RFC3: variants seen among roughly 807,000 people sequenced by gnomAD.
RFC3 encodes the protein replication factor C subunit 3.
Under a neutral mutation model 45.1 loss-of-function variants are expected in RFC3, and 41 were observed. That is an observed-to-expected ratio of 0.91 (90% CI 0.71 to 1.18). The LOEUF is 1.18. RFC3 is among the 50% of genes most tolerant of loss of function. RFC3 has a pLI of 0.00. For missense variants in RFC3, 423 were observed against 428.1 expected, an observed-to-expected ratio of 0.99 and a Z score of 0.10; for synonymous variants, 149 against 144.0, an observed-to-expected ratio of 1.03 and a Z score of -0.25.
chr13:33,902,932 A>G (rs1593679911), intron 8 of RFC3, among the ~76,000 whole-genome samples: 1 of 152,012 alleles, frequency 6.6e-6, no homozygotes, highest in African/African-American at 2.4e-5. Flanking sequence ...AAAAAATTGC[A>G]AAAAGATCCC....
intron 8 of RFC3, among the ~76,000 whole-genome samples, chr13:33,870,841 G>T (rs139734334): frequency 5.5e-4 from 83 of 152,270 alleles, no homozygotes; most frequent in African/African-American, 1.9e-3. Flanking sequence ...TATGTCTTCA[G>T]TACCAATGTC....
At chr13:33,896,323 G>A (rs186476248) in intron 8 of RFC3, among the ~76,000 whole-genome samples, 4 of 152,102 alleles carry the variant, frequency 2.6e-5, no homozygotes, top group African/African-American at 7.2e-5. Context: ...AAGAACATCA[G>A]AGAACACCAA....
intron 8 of RFC3, among the ~76,000 whole-genome samples, chr13:33,893,985 A>C (rs915913604): frequency 1.7e-4 from 26 of 152,260 alleles, no homozygotes; most frequent in African/African-American, 5.8e-4. Flanking sequence ...AACAAACAAA[A>C]AACCCCAACT....
At chr13:33,818,676 G>T (rs1034216478) in intron 1 of RFC3, among the ~76,000 whole-genome samples, 2 of 152,172 alleles carry the variant, frequency 1.3e-5, no homozygotes, top group East Asian at 3.9e-4. Flanking sequence ...GATGGAGTTG[G>T]AGTGCAGACC....
intron 8 of RFC3, among the ~76,000 whole-genome samples, chr13:33,948,096 G>A (rs1186511847): frequency 6.6e-6 from 1 of 152,186 alleles, no homozygotes; most frequent in Admixed American, 6.5e-5. Flanking sequence ...GACCTTCATG[G>A]CAGCCCCTTC....
intron 8 of RFC3, among the ~76,000 whole-genome samples, chr13:33,866,907 G>A (rs1230966747): frequency 2.0e-5 from 3 of 152,080 alleles, no homozygotes; most frequent in African/African-American, 7.2e-5. Flanking sequence ...TTTGAACATG[G>A]TTATTCATTC....
intron 7 of RFC3, 122 bp from the exon 8 acceptor site, chr13:33,835,026 A>G (rs2082140186): frequency 1.7e-6 from 1 of 590,674 alleles, no homozygotes; most frequent in Non-Finnish European, 3.0e-6. Flanking sequence ...AAGTTAGGTC[A>G]TAAAGTTGTT....
chr13:33,934,643 C>T (rs571537701), intron 8 of RFC3, among the ~76,000 whole-genome samples: 15 of 152,178 alleles, frequency 9.9e-5, no homozygotes, highest in Non-Finnish European at 1.8e-4. Flanking sequence ...CAATGCTGAC[C>T]CCACCTGGAC....
intron 8 of RFC3, among the ~76,000 whole-genome samples, chr13:33,893,298 G>A (rs951089600): frequency 6.6e-6 from 1 of 152,002 alleles, no homozygotes; most frequent in East Asian, 1.9e-4. Context: ...TTATTTACTA[G>A]AACCTAGGTG....
At chr13:33,976,616 A>G in the RFC3 span, among the ~76,000 whole-genome samples, 4 of 152,322 alleles carry the variant, frequency 2.6e-5, no homozygotes, top group Admixed American at 6.5e-5. Context: ...GGATATTCCA[A>G]TTACCCTGAT....
chr13:33,897,632 G>C (rs966444353), intron 8 of RFC3, among the ~76,000 whole-genome samples: 55 of 152,062 alleles, frequency 3.6e-4, no homozygotes, highest in African/African-American at 1.3e-3. Flanking sequence ...AGTGGCAGAA[G>C]GGATAAAACA....
At chr13:33,928,668 T>A (rs1282310923) in intron 8 of RFC3, among the ~76,000 whole-genome samples, 1 of 152,156 alleles carries the variant, frequency 6.6e-6, no homozygotes, top group Non-Finnish European at 1.5e-5. Context: ...ATATACTTTC[T>A]CTGGTGTTTG....
rs1184992824 is a variant in RFC3, at chr13:33,835,231, A to C, written c.879+14A>C. 6.3e-7 allele frequency: 1 copy of C among 1,581,896 alleles called. No homozygotes were observed. The highest frequency in any genetic ancestry group is 8.7e-7 in the Non-Finnish European group (1 of 1,150,868). ...ATAATAATGAAGGTAACCCAATTTC[A>C]GATCTTGAACTTTTTACAGCTATAA... On this transcript the variant is annotated intron_variant, in intron 8 of 8. Coordinates refer to ENST00000380071, the MANE Select transcript of RFC3 (RefSeq NM_002915.4).
rs534068844 is a variant in RFC3 at position 33,862,726 on chromosome 13, C to T, written c.879+27509C>T. The stretch of plus-strand genomic sequence containing the variant: ...ATATTGAAAAGCATATCTTCTATAG[C>T]TGTGTCTTAAATTTTCAAGTATTTT... On this transcript the variant is annotated intron_variant, in intron 8 of 8. Coordinates refer to the RFC3 transcript ENST00000434425. Among the ~76,000 whole-genome samples, 7 of 152,150 alleles carry T rather than the reference C, an allele frequency of 4.6e-5. No homozygotes were observed. The South Asian group carries it at 1.2e-3, about 27-fold the overall frequency.
intron 8 of RFC3, among the ~76,000 whole-genome samples, chr13:33,852,235 A>T (rs975232292): frequency 3.3e-5 from 5 of 152,128 alleles, no homozygotes; most frequent in African/African-American, 9.7e-5. Context: ...GTCTTTATTC[A>T]TCCAGCTCTT....
intron 8 of RFC3, among the ~76,000 whole-genome samples, chr13:33,917,826 G>C (rs1256713330): frequency 6.6e-6 from 1 of 151,868 alleles, no homozygotes; most frequent in African/African-American, 2.4e-5. Flanking sequence ...AGCTTTCAGA[G>C]CACACAGACA....
intron 8 of RFC3, among the ~76,000 whole-genome samples, chr13:33,916,494 A>G (rs2137718160): frequency 6.6e-6 from 1 of 152,276 alleles, no homozygotes; most frequent in African/African-American, 2.4e-5. Flanking sequence ...CTGGGTAGAA[A>G]GCATTCTGCA....
chr13:33,881,650 C>G (rs1179443623), intron 8 of RFC3, among the ~76,000 whole-genome samples: 3 of 152,124 alleles, frequency 2.0e-5, no homozygotes, highest in Non-Finnish European at 1.5e-5. Flanking sequence ...ACTCCATCTT[C>G]AAATCAGGAT....
At chr13:33,972,429 T>C in the RFC3 span, among the ~76,000 whole-genome samples, 3 of 152,228 alleles carry the variant, frequency 2.0e-5, no homozygotes, top group Admixed American at 6.5e-5. Flanking sequence ...TTCTCCTAGA[T>C]TGGAGTTCTT....
Sources: gnomAD v4.1 joint callset for allele counts (sites outside exome capture counted in the v4.1 genomes callset) on GRCh38, gnomAD v4.1.1 for gene constraint, MANE v1.5 for transcripts, NCBI Gene and HGNC (gene_info 2026-07-23, HGNC 2026-07-21) for gene names.